The following CHD9 variants were observed in gnomAD, a reference collection of about 807,000 sequenced individuals.
CHD9 encodes chromodomain helicase DNA binding protein 9.
A neutral mutation model predicts 316.1 loss-of-function variants in CHD9; 77 were observed. The observed-to-expected ratio is 0.24, with a 90% CI of 0.20 to 0.29. The LOEUF is 0.29. CHD9 is among the 10% of genes least tolerant of loss of function. The pLI is 1.00. For missense variants in CHD9, 2,763 were observed against 3,438.1 expected (o/e 0.80, Z 4.91); for synonymous variants, 1,129 against 1,158.3 (o/e 0.97, Z 0.51).
At chr16:53,180,865 CG>C (rs2043451917) in intron 2 of CHD9, among the ~76,000 whole-genome samples, 1 of 150,312 alleles carries the variant, frequency 6.7e-6, no homozygotes, top group Admixed American at 6.6e-5. Context: ...TTAATGGAGA[CG>C]GGGTTTCACC....
Position 53,062,585 on chromosome 16 carries a change from T to C in CHD9, c.-165+7508T>C, listed in dbSNP as rs561701119. 5.3e-5 allele frequency among the ~76,000 whole-genome samples: 8 copies of C among 151,798 alleles called. 1 individual carries two copies. In the South Asian group the frequency reaches 1.0e-3, roughly 20 times the overall value. On this transcript the variant is annotated intron_variant, in intron 1 of 38. Coordinates refer to ENST00000447540, the MANE Select transcript of CHD9 (RefSeq NM_001308319.2). ...AGTGAGACCCCATCTCTACAAAACATTTTAAAAATTACCTGGGTGTAGTGA... is the reference window on the plus strand; with the variant it reads ...AGTGAGACCCCATCTCTACAAAACACTTTAAAAATTACCTGGGTGTAGTGA...
chr16:53,118,268 T>C (rs1180453781), intron 1 of CHD9, among the ~76,000 whole-genome samples: 1 of 152,090 alleles, frequency 6.6e-6, no homozygotes, highest in Non-Finnish European at 1.5e-5. Flanking sequence ...AATACAAAAA[T>C]TAGCTAGGTG....
intron 1 of CHD9, among the ~76,000 whole-genome samples, chr16:53,154,090 A>C (rs2041327067): frequency 6.6e-6 from 1 of 152,238 alleles, no homozygotes; most frequent in Admixed American, 6.5e-5. Flanking sequence ...CTAGCCCTAA[A>C]TAATTAAGGG....
chr16:53,126,016 T>A (rs547469690), intron 1 of CHD9, among the ~76,000 whole-genome samples: 1 of 152,366 alleles, frequency 6.6e-6, no homozygotes, highest in South Asian at 2.1e-4. Flanking sequence ...AAGTTTAATC[T>A]ACTTTTTGTG....
chr16:53,196,024 C>T (rs2044884693), intron 2 of CHD9, among the ~76,000 whole-genome samples: 1 of 152,112 alleles, frequency 6.6e-6, no homozygotes, highest in Non-Finnish European at 1.5e-5. Context: ...TCCCAAAGTG[C>T]TGAGATTACA....
Position 53,170,578 on chromosome 16 carries a change from C to CGTGTGT in CHD9, c.1452+13074_1452+13079dup, listed in dbSNP as rs10593955. Among the ~76,000 whole-genome samples, 750 of 140,320 alleles carry CGTGTGT rather than the reference C, an allele frequency of 5.3e-3. 7 individuals are homozygous for CGTGTGT. The highest frequency in any genetic ancestry group is 0.017 in the African/African-American group (661 of 38,018). The allele number at this position is 140,320 out of a possible 152,430, so 92.1% of individuals were successfully genotyped here. On this transcript the variant is annotated intron_variant, in intron 2 of 38. Transcript: ENST00000447540. ...GTGCAGTACTAGTATTTTGTAATTT[C>CGTGTGT]GTGTGTGTGTGTGTGTGTGTGTGTG... is the stretch of plus-strand genomic sequence containing the variant.
chr16:53,319,266 A>G (rs1442854506), intron 37 of CHD9, among the ~76,000 whole-genome samples: 1 of 152,224 alleles, frequency 6.6e-6, no homozygotes, highest in African/African-American at 2.4e-5. Flanking sequence ...TTTCTCATAC[A>G]CTAAATTACC....
chr16:53,239,327 A>G (rs2048889832), intron 12 of CHD9, among the ~76,000 whole-genome samples: 1 of 152,126 alleles, frequency 6.6e-6, no homozygotes, highest in Non-Finnish European at 1.5e-5. Context: ...GCTCACACTT[A>G]TAATCTTAAC....
intron 1 of CHD9, among the ~76,000 whole-genome samples, chr16:53,102,198 T>G (rs543833565): frequency 6.6e-6 from 1 of 152,274 alleles, no homozygotes; most frequent in African/African-American, 2.4e-5. Flanking sequence ...AACTAGTTGT[T>G]TGGCCTTGGT....
chr16:53,205,042 A>G (rs1455545773), intron 2 of CHD9, among the ~76,000 whole-genome samples: 1 of 152,094 alleles, frequency 6.6e-6, no homozygotes, highest in East Asian at 1.9e-4. Flanking sequence ...GGGTTTCACC[A>G]TGTTGGCCAA....
intron 1 of CHD9, among the ~76,000 whole-genome samples, chr16:53,130,655 G>A (rs2039195293): frequency 6.6e-6 from 1 of 151,712 alleles, no homozygotes; most frequent in South Asian, 2.1e-4. Context: ...GAGTAACCGC[G>A]CCAGCGATTG....
intron 1 of CHD9, among the ~76,000 whole-genome samples, chr16:53,116,252 G>T (rs1597038175): frequency 6.6e-6 from 1 of 152,232 alleles, no homozygotes; most frequent in East Asian, 1.9e-4. Context: ...TGGAGAAAGG[G>T]TTTCACCGTG....
Position 53,126,649 on chromosome 16 carries a change from C to T in CHD9, c.-164-29277C>T, listed in dbSNP as rs550088285. Among the ~76,000 whole-genome samples the T allele has an allele frequency of 1.2e-4, 15 of 127,350 alleles. 2 individuals are homozygous for T. Among genetic ancestry groups the T allele is most frequent in the Admixed American group, 6.4e-4 (7 of 10,872 alleles). The allele number at this position is 127,350 out of a possible 152,430, so 83.5% of individuals were successfully genotyped here. ...CTTTTCTCCCTTCCTTCCTTCCTTT[C>T]GTTCATTCATTCATTCTTTCTTTCG... On this transcript the variant is annotated intron_variant, in intron 1 of 38. Coordinates refer to ENST00000447540, the MANE Select transcript of CHD9 (RefSeq NM_001308319.2).
At chr16:53,204,501 A>G (rs919779555) in intron 2 of CHD9, among the ~76,000 whole-genome samples, 1 of 152,178 alleles carries the variant, frequency 6.6e-6, no homozygotes, top group Non-Finnish European at 1.5e-5. Flanking sequence ...AGAGGCATGA[A>G]GTGCATGCAT....
chr16:53,063,477 C>A (rs1000945237), intron 1 of CHD9, among the ~76,000 whole-genome samples: 1 of 151,916 alleles, frequency 6.6e-6, no homozygotes, highest in African/African-American at 2.4e-5. Flanking sequence ...TTTTCTGTCT[C>A]CCTGTATCTA....
intron 3 of CHD9, among the ~76,000 whole-genome samples, chr16:53,213,928 A>G (rs2046532393): frequency 6.6e-6 from 1 of 152,132 alleles, no homozygotes. Flanking sequence ...TATCCTTTGT[A>G]TGTGTTACAG....
At chr16:53,144,584 A>G (rs1414361727) in intron 1 of CHD9, among the ~76,000 whole-genome samples, 1 of 150,272 alleles carries the variant, frequency 6.7e-6, no homozygotes, top group Non-Finnish European at 1.5e-5. Context: ...GCTGGAGTGC[A>G]GTGGTGCTAT....
At chr16:53,292,775 T>C in intron 28 of CHD9, 58 bp from the exon 29 acceptor site, 1 of 1,384,688 alleles carries the variant, frequency 7.2e-7, no homozygotes, top group Non-Finnish European at 1.0e-6. Flanking sequence ...GTTGCTGCTT[T>C]TGTGAGCTTC....
intron 24 of CHD9, among the ~76,000 whole-genome samples, chr16:53,281,009 TA>T (rs1431201736): frequency 2.0e-5 from 3 of 152,216 alleles, no homozygotes; most frequent in Non-Finnish European, 4.4e-5. Flanking sequence ...TCCCTCTTGC[TA>T]GCTCTTACTT....
Sources: allele counts gnomAD v4.1 joint callset (sites outside exome capture counted in the v4.1 genomes callset), GRCh38; gene constraint gnomAD v4.1.1; transcripts MANE v1.5; gene names NCBI Gene and HGNC (gene_info 2026-07-23, HGNC 2026-07-21).